The following E2F2 variants were observed in gnomAD, a reference collection of about 807,000 sequenced individuals.
E2F2 encodes the protein E2F transcription factor 2.
E2F2 carries 22 observed loss-of-function variants against 42.2 expected under a neutral mutation model. That is an observed-to-expected ratio of 0.52 (90% confidence interval 0.37 to 0.74). The LOEUF is 0.74. E2F2 is among the 30% of genes least tolerant of loss of function. The pLI is 0.00. For synonymous variants in E2F2, 248 were observed against 251.6 expected (o/e 0.99, Z 0.13); for missense variants, 481 against 557.8 (o/e 0.86, Z 1.39).
At chr1:23,520,515 A>G (rs1293922085) in intron 4 of E2F2, among the ~76,000 whole-genome samples, 2 of 152,204 alleles carry the variant, frequency 1.3e-5, no homozygotes, top group Admixed American at 1.3e-4. Flanking sequence ...AGACTGAGGC[A>G]GGAGGATCGA....
At chr1:23,519,180 C>A in intron 4 of E2F2, 50 bp from the exon 5 acceptor site, 1 of 1,438,548 alleles carries the variant, frequency 7.0e-7, no homozygotes, top group Non-Finnish European at 9.8e-7. Context: ...AATTCAAACC[C>A]CAAACCTGCC....
At chr1:23,505,224 A>C (rs184170070), downstream of E2F2, among the ~76,000 whole-genome samples, 4 of 152,322 alleles carry the variant, frequency 2.6e-5, no homozygotes, top group Admixed American at 2.6e-4. Flanking sequence ...AGTTGTAAAT[A>C]GCCATTTATA....
chr1:23,525,747 A>G (rs1345151874), intron 1 of E2F2, among the ~76,000 whole-genome samples: 2 of 152,198 alleles, frequency 1.3e-5, no homozygotes, highest in African/African-American at 2.4e-5. Flanking sequence ...GGTGTTCAGG[A>G]AACACAGAGT....
rs548500891 is a variant in E2F2, at chr1:23,510,018, C to G, written c.1176G>C (p.Pro392=). The change falls in exon 7 of 7, where the codon CCG becomes CCC. Residue 392 remains proline, a synonymous_variant. Coordinates refer to ENST00000361729, the MANE Select transcript of E2F2 (RefSeq NM_004091.4). ...LQQTEDQFLS[P]TLACSSPLIS... ...TCAGAGGGGAGCTGCACGCCAGGGT[C>G]GGGGACAGGAACTGGTCCTCAGTCT... 5 of 1,613,588 alleles carry G rather than the reference C, an allele frequency of 3.1e-6. No homozygotes were observed. The highest frequency in any genetic ancestry group is 1.3e-5 in the African/African-American group (1 of 75,024).
chr1:23,530,568 G>T lies in E2F2; in HGVS notation c.226C>A (p.Arg76=). ...GGCAGCCGGCCTGCCGGCAGGCATCGCACAACTTGGCCCTCGGGTCCGTGG... is the reference window on the plus strand; with the variant it reads ...GGCAGCCGGCCTGCCGGCAGGCATCTCACAACTTGGCCCTCGGGTCCGTGG... ...TPHGPEGQVV[R]CLPAGRLPAK... The change falls in exon 1 of 7, where the codon CGA becomes AGA. Residue 76 remains arginine (R), a synonymous_variant. Coordinates refer to ENST00000361729, the MANE Select transcript of E2F2 (RefSeq NM_004091.4). The surrounding 1 kb of genome is among the most constrained non-coding windows in gnomAD (Gnocchi z 4.4). The T allele has an allele frequency of 6.2e-7, 1 of 1,611,938 alleles. No homozygotes were observed.
intron 1 of E2F2, among the ~76,000 whole-genome samples, chr1:23,529,792 C>CA (rs1000693596): frequency 1.2e-4 from 18 of 152,208 alleles, no homozygotes; most frequent in African/African-American, 4.1e-4. Flanking sequence ...CTCCACCCCC[C>CA]ACCCTAAAGT....
At position 23,510,148 on chromosome 1, in the gene E2F2, A is replaced by G; in HGVS notation, c.1046T>C (p.Val349Ala). ...PSIMEPTASS[V>A]PAPAPTPQQA... is the part of the protein sequence containing the mutation. ...CTGGGGGGTTGGCGCTGGTGCTGGC[A>G]CTGGAGACAAACAGACAAAGGTTAC... Residue 349 changes from valine to alanine, a missense_variant and splice_region_variant, in exon 7 of 7, where the codon GTG becomes GCG. Coordinates refer to ENST00000361729, the MANE Select transcript of E2F2 (RefSeq NM_004091.4). 1 of 1,591,962 alleles carries G rather than the reference A, an allele frequency of 6.3e-7. No homozygotes were observed. The highest frequency in any genetic ancestry group is 8.6e-7 in the Non-Finnish European group (1 of 1,169,572).
Position 23,521,971 on chromosome 1 carries a change from T to C in E2F2, c.444A>G (p.Ser148=), listed in dbSNP as rs1209223444. The C allele has an allele frequency of 1.2e-6, 2 of 1,614,072 alleles. No homozygotes were observed. Among genetic ancestry groups the C allele is most frequent in the South Asian group, 1.1e-5 (1 of 91,080 alleles). Reference sequence around the variant, plus strand: ...AGTTCAGGTCCAGGACCCCATCCTCTGACTCGCTCAGGAGGTAAATGAACT... The same window carrying C: ...AGTTCAGGTCCAGGACCCCATCCTCCGACTCGCTCAGGAGGTAAATGAACT... The part of the protein sequence containing the change: ...TKKFIYLLSE[S]EDGVLDLNWA... The change falls in exon 3 of 7, where the codon TCA becomes TCG. Residue 148 remains serine, a synonymous_variant. Transcript: ENST00000361729.
downstream of E2F2, among the ~76,000 whole-genome samples, chr1:23,505,405 G>A (rs1642778457): frequency 1.3e-5 from 2 of 152,212 alleles, no homozygotes; most frequent in South Asian, 4.1e-4. Flanking sequence ...GGCAGCAGAA[G>A]GCATGCATTC....
In E2F2 at chr1:23,516,471, G is replaced by C. The variant is rs769743094; in HGVS notation, c.909C>G (p.Cys303Trp). 6.8e-6 allele frequency: 11 copies of C among 1,609,962 alleles called. No individual in the cohort carries two copies. The South Asian group carries it at 1.1e-4, about 16-fold the overall frequency. ...TGTCCGGCTCCTGCACCTCCTCTGG[G>C]CACAGGTAGACTTCGATGGGCCCTT... ...STQGPIEVYLCPEEVQEPDSP... is the reference protein window; with the variant it reads ...STQGPIEVYLWPEEVQEPDSP... Residue 303 changes from cysteine (C) to tryptophan (W), a missense_variant, in exon 6 of 7, where the codon TGC becomes TGG. Coordinates refer to ENST00000361729, the MANE Select transcript of E2F2 (RefSeq NM_004091.4).
chr1:23,524,556 G>T, intron 1 of E2F2, 68 bp from the exon 2 acceptor site: 1 of 1,470,098 alleles, frequency 6.8e-7, no homozygotes. Context: ...TCCCTGATGT[G>T]GGGCCAAAGC....
At chr1:23,513,561 CATGTGTGTGTGTGTGTGTGTGT>C (rs957132934) in intron 6 of E2F2, among the ~76,000 whole-genome samples, 9 of 115,936 alleles carry the variant, frequency 7.8e-5, no homozygotes, top group African/African-American at 2.8e-4. Flanking sequence ...CAGCACGGAA[CATGTGTGTGTGTGTGTGTGTGT>C]GTGTGTGTGT....
At position 23,509,997 on chromosome 1, in the gene E2F2, A is replaced by C. The variant is rs1444374800; in HGVS notation, c.1197T>G (p.Pro399=). 1 of 1,613,756 alleles carries C rather than the reference A, an allele frequency of 6.2e-7. No individual in the cohort carries two copies. The highest frequency in any genetic ancestry group is 1.3e-5 in the African/African-American group (1 of 75,014). Residue 399 remains proline (P), a synonymous_variant, in exon 7 of 7, where the codon CCT becomes CCG. Transcript: ENST00000361729. ...CCAAGGATGGGGAGAAGCTGATCAG[A>C]GGGGAGCTGCACGCCAGGGTCGGGG... The part of the protein sequence containing the change: ...FLSPTLACSS[P]LISFSPSLDQ...
chr1:23,513,303 C>T (rs1642947627), intron 6 of E2F2, among the ~76,000 whole-genome samples: 1 of 151,990 alleles, frequency 6.6e-6, no homozygotes, highest in African/African-American at 2.4e-5. Context: ...GAACACAGGT[C>T]TCCCAATTTC....
downstream of E2F2, among the ~76,000 whole-genome samples, chr1:23,505,348 G>A (rs12562830): frequency 0.052 from 7,920 of 152,236 alleles, 486 homozygotes; most frequent in South Asian, 0.26. Flanking sequence ...TCTGGGGATC[G>A]CTTCTCAGCC....
At chr1:23,511,769 T>C (rs1030247671) in intron 6 of E2F2, among the ~76,000 whole-genome samples, 3 of 152,228 alleles carry the variant, frequency 2.0e-5, no homozygotes, top group African/African-American at 7.2e-5. Context: ...TATTTATTTA[T>C]TTAATTTATT....
intron 3 of E2F2, 90 bp from the exon 4 acceptor site, chr1:23,521,161 G>A (rs1158534055): frequency 7.3e-7 from 1 of 1,371,406 alleles, no homozygotes; most frequent in African/African-American, 1.5e-5. Flanking sequence ...GTGCTTCCCT[G>A]GGTTGTGGAA....
downstream of E2F2, among the ~76,000 whole-genome samples, chr1:23,505,415 C>T (rs562135494): frequency 2.7e-4 from 41 of 152,322 alleles, no homozygotes; most frequent in Non-Finnish European, 4.7e-4. Flanking sequence ...GGCATGCATT[C>T]TCAAACTTCA....
At chr1:23,528,553 G>A (rs1186207141) in intron 1 of E2F2, among the ~76,000 whole-genome samples, 1 of 152,240 alleles carries the variant, frequency 6.6e-6, no homozygotes, top group Non-Finnish European at 1.5e-5. Flanking sequence ...ACCCAGGCAA[G>A]TGACTTCCTT....
Sources: allele counts gnomAD v4.1 joint callset (sites outside exome capture counted in the v4.1 genomes callset), GRCh38; gene constraint gnomAD v4.1.1; non-coding constraint Gnocchi (gnomAD v3.1); transcripts MANE v1.5; gene names NCBI Gene and HGNC (gene_info 2026-07-23, HGNC 2026-07-21).